The following HMCN1 variants were observed in gnomAD, a reference collection of about 807,000 sequenced individuals.
HMCN1 encodes hemicentin-1.
In HMCN1, 321 loss-of-function variants were observed where a neutral mutation model predicts 625.9. That is an observed-to-expected ratio of 0.51 (90% CI 0.47 to 0.56). HMCN1 has a LOEUF of 0.56. Ranked by LOEUF, HMCN1 falls within the 20% of genes least tolerant of loss-of-function variation. HMCN1 has a pLI of 0.00. For missense variants in HMCN1, 6,588 were observed against 6,887.3 expected (o/e 0.96, Z 1.54); for synonymous variants, 2,425 against 2,417.6 (o/e 1.00, Z -0.09).
intron 4 of HMCN1, among the ~76,000 whole-genome samples, chr1:185,866,904 T>C (rs573749318): frequency 1.3e-5 from 2 of 152,232 alleles, no homozygotes; most frequent in African/African-American, 4.8e-5. Flanking sequence ...GTGCAGGATA[T>C]GCAGGTTTGT....
At chr1:185,744,511 G>A (rs998771964) in intron 1 of HMCN1, among the ~76,000 whole-genome samples, 1 of 152,282 alleles carries the variant, frequency 6.6e-6, no homozygotes, top group Middle Eastern at 3.4e-3. Flanking sequence ...CATTCATTCA[G>A]TTATTTAGTC....
intron 49 of HMCN1, among the ~76,000 whole-genome samples, 182 bp downstream of exon 49, chr1:186,065,611 A>T (rs1400464683): frequency 6.6e-6 from 1 of 152,218 alleles, no homozygotes; most frequent in Admixed American, 6.5e-5. Context: ...TGACATATGG[A>T]ATACCTACTA....
At position 185,812,978 on chromosome 1, in the gene HMCN1, A is replaced by C. The variant is rs115799072; in HGVS notation, c.269-33048A>C. On this transcript the variant is annotated intron_variant, in intron 1 of 106. Coordinates refer to ENST00000271588, the MANE Select transcript of HMCN1 (RefSeq NM_031935.3). The stretch of plus-strand genomic sequence containing the variant: ...ACACATGTACATGAGTACAGTTTTC[A>C]CATGTTTTCTCATGAGAGGACTTCC... 2.2e-3 allele frequency among the ~76,000 whole-genome samples: 330 copies of C among 152,116 alleles called. 2 individuals are homozygous for C. The highest frequency in any genetic ancestry group is 7.8e-3 in the African/African-American group (322 of 41,424).
chr1:185,738,650 A>G (rs920703751), intron 1 of HMCN1, among the ~76,000 whole-genome samples: 1 of 152,220 alleles, frequency 6.6e-6, no homozygotes, highest in African/African-American at 2.4e-5. Flanking sequence ...TTTCCAAAGC[A>G]GCTGTACCAT....
intron 1 of HMCN1, among the ~76,000 whole-genome samples, chr1:185,805,935 T>G (rs1003846141): frequency 2.0e-5 from 3 of 152,124 alleles, no homozygotes; most frequent in African/African-American, 7.2e-5. Context: ...CCATTTATTT[T>G]TTTTACATAG....
At chr1:186,122,364 T>A (rs1661435994) in intron 80 of HMCN1, among the ~76,000 whole-genome samples, 1 of 152,232 alleles carries the variant, frequency 6.6e-6, no homozygotes, top group African/African-American at 2.4e-5. Flanking sequence ...GTGATCAGCC[T>A]ATTGTAAACA....
chr1:186,000,553 GTGTGTA>G (rs1402720966), intron 26 of HMCN1, among the ~76,000 whole-genome samples: 5 of 116,998 alleles, frequency 4.3e-5, no homozygotes, highest in Non-Finnish European at 5.3e-5. Flanking sequence ...GTGTGTGTGT[GTGTGTA>G]TGTGTGTGTG....
intron 89 of HMCN1, among the ~76,000 whole-genome samples, chr1:186,138,384 A>G (rs913947423): frequency 6.6e-6 from 1 of 152,216 alleles, no homozygotes; most frequent in Non-Finnish European, 1.5e-5. Flanking sequence ...CATTCACTAA[A>G]TACTTGCCAC....
At chr1:185,896,317 T>C (rs188472637) in intron 4 of HMCN1, among the ~76,000 whole-genome samples, 1 of 151,830 alleles carries the variant, frequency 6.6e-6, no homozygotes, top group African/African-American at 2.4e-5. Flanking sequence ...GTCTACTAGA[T>C]GGGTGAATAC....
chr1:186,111,669 A>G (rs1182862491), intron 71 of HMCN1, among the ~76,000 whole-genome samples: 1 of 152,188 alleles, frequency 6.6e-6, no homozygotes, highest in Non-Finnish European at 1.5e-5. Flanking sequence ...TCACTCTGAA[A>G]GTTTTTATTA....
intron 11 of HMCN1, among the ~76,000 whole-genome samples, chr1:185,956,723 T>A (rs1337399333): frequency 1.3e-5 from 2 of 152,126 alleles, no homozygotes; most frequent in African/African-American, 4.8e-5. Flanking sequence ...TCCTCTCCCT[T>A]CCCTGGATTT....
At chr1:185,798,869 C>T (rs993745866) in intron 1 of HMCN1, among the ~76,000 whole-genome samples, 3 of 152,034 alleles carry the variant, frequency 2.0e-5, no homozygotes, top group Admixed American at 6.5e-5. Flanking sequence ...AATTCTTTAT[C>T]TGATATTACA....
intron 89 of HMCN1, among the ~76,000 whole-genome samples, chr1:186,138,976 TAAAC>T (rs1312200388): frequency 2.6e-5 from 4 of 152,158 alleles, no homozygotes; most frequent in South Asian, 2.1e-4. Flanking sequence ...GTTAAAATAA[TAAAC>T]AATATCTTTC....
chr1:185,893,652 G>A (rs1043712421), intron 4 of HMCN1, among the ~76,000 whole-genome samples: 2 of 151,968 alleles, frequency 1.3e-5, no homozygotes, highest in African/African-American at 4.8e-5. Context: ...CATCAGATAT[G>A]TACTTGAGCT....
chr1:185,974,320 T>A (rs537649665), intron 15 of HMCN1, among the ~76,000 whole-genome samples: 1 of 152,196 alleles, frequency 6.6e-6, no homozygotes, highest in Non-Finnish European at 1.5e-5. Context: ...ATAATATGTT[T>A]AATGAGTGTT....
In HMCN1 at chr1:186,053,962, A is replaced by C. The variant is rs763585048; in HGVS notation, c.6838A>C (p.Lys2280Gln). 4.3e-6 allele frequency: 7 copies of C among 1,612,652 alleles called. No homozygotes were observed. The South Asian group carries it at 5.5e-5, about 13-fold the overall frequency. Residue 2280 changes from lysine (K) to glutamine (Q), a missense_variant, in exon 44 of 107, where the codon AAA becomes CAA. By Grantham distance (53) the Lys-to-Gln change is moderately conservative. Transcript: ENST00000271588. ...VASNVAGTAK[K>Q]EYNLQVYIRP... ...GTCGAATGTTGCTGGGACTGCAAAG[A>C]AAGAATACAATCTGCAAGTTTACAG...
rs199798509 is a variant in HMCN1, at chr1:185,990,432, G to A, written c.3366G>A (p.Pro1122=). 1.0e-4 allele frequency: 163 copies of A among 1,613,828 alleles called. No homozygotes were observed. Among genetic ancestry groups the A allele is most frequent in the Non-Finnish European group, 1.3e-4 (152 of 1,179,802 alleles). The part of the protein sequence containing the change: ...TWAKETQLIS[P]FSPRHTFLPS... ...CCAAAGAAACCCAGCTCATCTCACC[G>A]TTCTCTCCAAGGTAGGAGATCTGGG... The change falls in exon 22 of 107, where the codon CCG becomes CCA. Residue 1122 remains proline, a synonymous_variant. Transcript: ENST00000271588.
intron 52 of HMCN1, among the ~76,000 whole-genome samples, chr1:186,074,508 C>T (rs527558439): frequency 2.6e-4 from 40 of 151,652 alleles, no homozygotes; most frequent in African/African-American, 9.2e-4. Flanking sequence ...ACAAATGCCT[C>T]GTAAAAATGT....
At chr1:185,787,234 A>G (rs200463161) in intron 1 of HMCN1, among the ~76,000 whole-genome samples, 2 of 151,868 alleles carry the variant, frequency 1.3e-5, no homozygotes, top group African/African-American at 4.8e-5. Context: ...GAAAATATTT[A>G]CCTTCTGGGA....
Sources: allele counts gnomAD v4.1 joint callset (sites outside exome capture counted in the v4.1 genomes callset), GRCh38; gene constraint gnomAD v4.1.1; transcripts MANE v1.5; gene names NCBI Gene and HGNC (gene_info 2026-07-23, HGNC 2026-07-21).